The following MEGF11 variants were observed in gnomAD, a reference collection of about 807,000 sequenced individuals.
MEGF11 encodes the protein multiple epidermal growth factor-like domains protein 11.
Under a neutral mutation model 146.6 loss-of-function variants are expected in MEGF11, and 126 were observed. The observed-to-expected ratio is 0.86, with a 90% CI of 0.74 to 1.00. The LOEUF (loss-of-function observed/expected upper bound fraction) is 1.00. Among genes scored for constraint, MEGF11 ranks in the 50% least tolerant of loss-of-function variants. MEGF11 has a pLI of 0.00. For synonymous variants in MEGF11, 532 were observed against 583.4 expected, an observed-to-expected ratio of 0.91 and a Z score of 1.27; for missense variants, 1,509 against 1,521.2, an observed-to-expected ratio of 0.99 and a Z score of 0.13.
chr15:65,928,605 T>G (rs2079459003), intron 12 of MEGF11, 78 bp from the exon 13 acceptor site: 1 of 1,019,032 alleles, frequency 9.8e-7, no homozygotes. Context: ...ATCTTTTCTT[T>G]AATTTTTACT....
intron 4 of MEGF11, among the ~76,000 whole-genome samples, chr15:66,111,482 G>A (rs2087401278): frequency 6.6e-6 from 1 of 152,222 alleles, no homozygotes; most frequent in Non-Finnish European, 1.5e-5. Context: ...TTGGGGAAAG[G>A]GGGAGTTTAT....
chr15:66,245,890 G>A (rs373844986), intron 1 of MEGF11, among the ~76,000 whole-genome samples: 18 of 152,120 alleles, frequency 1.2e-4, no homozygotes, highest in African/African-American at 2.4e-4. Context: ...GCCATCACCC[G>A]GCATGAGTTA....
At chr15:66,221,519 C>T (rs1342737935) in intron 1 of MEGF11, among the ~76,000 whole-genome samples, 2 of 151,860 alleles carry the variant, frequency 1.3e-5, no homozygotes, top group Non-Finnish European at 2.9e-5. Flanking sequence ...CCACCGGCTC[C>T]TAAGGACTCA....
At position 65,992,449 on chromosome 15, in the gene MEGF11, G is replaced by GTT. The variant is rs1555459369; in HGVS notation, c.395-9962_395-9961insAA. On this transcript the variant is annotated intron_variant, in intron 5 of 25. Coordinates refer to ENST00000395614, the MANE Select transcript of MEGF11 (RefSeq NM_001385028.1). ...CCCGTTTGTGCCTCTGTGTGTGTGT[G>GTT]TGGGGGGGGGGGTTAGTCACATCCT... Among the ~76,000 whole-genome samples the GTT allele has an allele frequency of 2.3e-3, 88 of 38,348 alleles. 1 individual carries two copies. The highest frequency in any genetic ancestry group is 5.4e-3 in the African/African-American group (87 of 16,074). The allele number at this position is 38,348 out of a possible 152,430, so 25.2% of individuals were successfully genotyped here.
chr15:65,956,022 C>A (rs181654178), intron 10 of MEGF11, among the ~76,000 whole-genome samples: 37 of 151,934 alleles, frequency 2.4e-4, no homozygotes, highest in Admixed American at 2.4e-3. Flanking sequence ...GACATTGTCA[C>A]CAAGCAAACC....
chr15:66,129,327 C>T (rs1361376650), intron 1 of MEGF11, among the ~76,000 whole-genome samples: 1 of 152,216 alleles, frequency 6.6e-6, no homozygotes, highest in Admixed American at 6.5e-5. Flanking sequence ...CCTGGTGGGT[C>T]GCTGACCTTG....
chr15:66,016,118 A>AT (rs1333104911), intron 5 of MEGF11, among the ~76,000 whole-genome samples: 2 of 152,002 alleles, frequency 1.3e-5, no homozygotes, highest in African/African-American at 2.4e-5. Context: ...TATTTAACTA[A>AT]TTTAAAAAAA....
At chr15:65,990,699 G>A (rs2082011943) in intron 5 of MEGF11, among the ~76,000 whole-genome samples, 1 of 67,060 alleles carries the variant, frequency 1.5e-5, no homozygotes, top group African/African-American at 6.8e-5. Context: ...GGAAGAGAAA[G>A]AAAGAAAGGA....
chr15:66,025,761 G>A (rs2083307479), intron 5 of MEGF11, among the ~76,000 whole-genome samples: 2 of 152,128 alleles, frequency 1.3e-5, no homozygotes, highest in Admixed American at 1.3e-4. Context: ...GTCTGGGCTT[G>A]CAGACTTACA....
intron 1 of MEGF11, among the ~76,000 whole-genome samples, chr15:66,231,059 T>C (rs953950122): frequency 6.6e-6 from 1 of 151,962 alleles, no homozygotes; most frequent in Non-Finnish European, 1.5e-5. Flanking sequence ...CATGGTTAAA[T>C]AATTTTAGAA....
intron 4 of MEGF11, among the ~76,000 whole-genome samples, chr15:66,117,181 G>T (rs770208603): frequency 6.6e-6 from 1 of 152,190 alleles, no homozygotes; most frequent in African/African-American, 2.4e-5. Flanking sequence ...GAAGAAGCTG[G>T]CAGTGGCAGA....
Position 65,918,225 on chromosome 15 carries a change from C to G in MEGF11, c.1958-131G>C, listed in dbSNP as rs114800657. ...AGGGGTCATGGATCTGGATGGAGAC[C>G]ACGCCCGCCTTGGTACCCTTGTCAC... On this transcript the variant is annotated intron_variant, in intron 15 of 25. Transcript: ENST00000395614. The G allele has an allele frequency of 1.3e-3, 1,708 of 1,311,470 alleles. 12 individuals are homozygous for G. In the African/African-American group the frequency reaches 0.022, roughly 17 times the overall value. The allele number at this position is 1,311,470 out of a possible 1,614,324, so 81.2% of individuals were successfully genotyped here. A position where few individuals can be genotyped will look rare whatever the true frequency, so the allele number is the denominator to read the frequency against.
At chr15:66,101,026 AGCGGGTGAGCAG>A (rs11270541) in intron 4 of MEGF11, among the ~76,000 whole-genome samples, 29,326 of 143,456 alleles carry the variant, frequency 0.2, 3,294 homozygotes, top group East Asian at 0.38. Context: ...TGGGTGGGTG[AGCGGGTGAGCAG>A]GCGGGTGAGT....
chr15:66,236,689 C>T (rs2092099274), intron 1 of MEGF11, among the ~76,000 whole-genome samples: 1 of 152,128 alleles, frequency 6.6e-6, no homozygotes, highest in South Asian at 2.1e-4. Flanking sequence ...CAGGAAGGGT[C>T]CCCAGTGAGC....
At chr15:66,227,412 T>C (rs374316490) in intron 1 of MEGF11, among the ~76,000 whole-genome samples, 1 of 152,302 alleles carries the variant, frequency 6.6e-6, no homozygotes, top group South Asian at 2.1e-4. Context: ...ATAAATCCCA[T>C]AGCAATCCTC....
chr15:66,235,908 A>G (rs147545804), intron 1 of MEGF11, among the ~76,000 whole-genome samples: 138 of 152,286 alleles, frequency 9.1e-4, no homozygotes, highest in African/African-American at 3.1e-3. Context: ...ACTACATGCC[A>G]GGGACAGCAC....
intron 7 of MEGF11, among the ~76,000 whole-genome samples, chr15:65,975,774 A>G (rs533616535): frequency 6.6e-6 from 1 of 152,372 alleles, no homozygotes; most frequent in African/African-American, 2.4e-5. Flanking sequence ...AACCTAGTAC[A>G]GTGCCTTAAA....
chr15:65,920,434 C>G (rs1419274667), intron 15 of MEGF11, among the ~76,000 whole-genome samples: 2 of 152,226 alleles, frequency 1.3e-5, no homozygotes, highest in Non-Finnish European at 2.9e-5. Flanking sequence ...AGTCCTGGCC[C>G]TCTGTGGGGA....
At position 65,922,810 on chromosome 15, in the gene MEGF11, G is replaced by C. The variant is rs759527178; in HGVS notation, c.1822+13C>G. The C allele has an allele frequency of 9.9e-6, 16 of 1,613,492 alleles. No homozygotes were observed. The highest frequency in any genetic ancestry group is 1.4e-5 in the Non-Finnish European group (16 of 1,179,760). ...GCCCTCTGAGCTCTTCGGGGTCAGGGGATTAGCCTTACTTCTCTGGCATAA... is the reference window on the plus strand; with the variant it reads ...GCCCTCTGAGCTCTTCGGGGTCAGGCGATTAGCCTTACTTCTCTGGCATAA... On this transcript the variant is annotated intron_variant, in intron 14 of 25. Transcript: ENST00000395614.
Sources: allele counts gnomAD v4.1 joint callset (sites outside exome capture counted in the v4.1 genomes callset), GRCh38; gene constraint gnomAD v4.1.1; transcripts MANE v1.5; gene names NCBI Gene and HGNC (gene_info 2026-07-23, HGNC 2026-07-21).